FAM149A: variants seen among roughly 807,000 people sequenced by gnomAD.
FAM149A encodes the protein protein FAM149A.
A neutral mutation model predicts 78.2 loss-of-function variants in FAM149A; 71 were observed. The observed-to-expected ratio is 0.91, with a 90% CI of 0.75 to 1.11. The LOEUF is 1.11. FAM149A is among the 50% of genes least tolerant of loss of function. The probability of loss-of-function intolerance (pLI) is 0.00; values close to 1 mark genes in which losing one functional copy is unlikely to be tolerated. For missense variants in FAM149A, 1,036 were observed against 971.0 expected (o/e 1.07, Z -0.89); for synonymous variants, 446 against 410.5 (o/e 1.09, Z -1.04).
intron 8 of FAM149A, chr4:186,158,567 A>T (rs1357502216): frequency 1.8e-6 from 2 of 1,083,688 alleles, no homozygotes; most frequent in Non-Finnish European, 2.2e-6. Flanking sequence ...TTTCAGGGGA[A>T]CAGATTGCTC....
chr4:186,145,102 A>G (rs1342557696), intron 1 of FAM149A: 8 of 985,400 alleles, frequency 8.1e-6, no homozygotes, highest in Non-Finnish European at 8.4e-6. Context: ...CCCGGGGCTG[A>G]TCGTAATCGG....
Position 186,105,472 on chromosome 4 carries a change from C to G in FAM149A, c.396C>G (p.Gly132=). 2.5e-6 allele frequency: 3 copies of G among 1,213,228 alleles called. No homozygotes were observed. Among genetic ancestry groups the G allele is most frequent in the Non-Finnish European group, 3.1e-6 (3 of 957,570 alleles). 75.2% of individuals were successfully genotyped at this position (1,213,228 alleles called of 1,614,324 possible). A position where few individuals can be genotyped will look rare whatever the true frequency, so the allele number is the denominator to read the frequency against. Residue 132 remains glycine (G), a synonymous_variant, in exon 1 of 14, where the codon GGC becomes GGG. Coordinates refer to ENST00000389354, the MANE Select transcript of FAM149A (RefSeq NM_001367768.3). The stretch of plus-strand genomic sequence containing the variant: ...TGGTCCCAGCGCGGCCGCCCTCGGG[C>G]CCCGGCGGGGTCTGGGCCGCGCTCC...
intron 5 of FAM149A, among the ~76,000 whole-genome samples, chr4:186,153,973 T>A (rs1423308516): frequency 6.6e-6 from 1 of 152,240 alleles, no homozygotes; most frequent in Non-Finnish European, 1.5e-5. Context: ...TATAGAGAGA[T>A]GTGTAATATA....
chr4:186,153,927 T>C (rs748391578), intron 5 of FAM149A, among the ~76,000 whole-genome samples, 157 bp downstream of exon 5: 21 of 152,226 alleles, frequency 1.4e-4, no homozygotes, highest in Non-Finnish European at 2.4e-4. Context: ...TAAGAAGCTT[T>C]TGATTCTGAA....
At chr4:186,123,423 G>T (rs1450583131) in intron 1 of FAM149A, 1 of 952,276 alleles carries the variant, frequency 1.1e-6, no homozygotes. Context: ...TTTTGTTCCT[G>T]TATGTTCTTG....
intron 1 of FAM149A, among the ~76,000 whole-genome samples, chr4:186,135,818 A>G (rs1001445169): frequency 6.6e-6 from 1 of 152,172 alleles, no homozygotes; most frequent in Non-Finnish European, 1.5e-5. Flanking sequence ...TAGACCCACA[A>G]AAGTGCACAC....
intron 1 of FAM149A, among the ~76,000 whole-genome samples, chr4:186,121,872 A>G (rs1363483927): frequency 1.3e-5 from 2 of 152,062 alleles, no homozygotes; most frequent in African/African-American, 4.8e-5. Flanking sequence ...TCTTGATATA[A>G]TCCTCATAGC....
At chr4:186,139,892 G>A (rs770996146) in intron 1 of FAM149A, among the ~76,000 whole-genome samples, 4 of 152,048 alleles carry the variant, frequency 2.6e-5, no homozygotes, top group Admixed American at 6.5e-5. Context: ...AGGACTGCTC[G>A]TACTGGATAA....
intron 1 of FAM149A, among the ~76,000 whole-genome samples, chr4:186,112,236 A>T (rs2099311604): frequency 6.6e-6 from 1 of 151,134 alleles, no homozygotes; most frequent in Non-Finnish European, 1.5e-5. Flanking sequence ...TGATTTTTGT[A>T]CGTTGATTTT....
At position 186,151,924 on chromosome 4, in the gene FAM149A, C is replaced by T. The variant is rs1733616657; in HGVS notation, c.811C>T (p.Gln271Ter). The change falls in exon 4 of 14, where the codon CAG (glutamine) becomes TAG (stop). Residue 271 changes from glutamine (Q) to a stop codon, truncating the protein, a stop_gained. Transcript: ENST00000389354. LOFTEE classifies it high-confidence loss of function. ...TTAGGAATTTGACGAAGCCAGTTCA[C>T]AGTCAGTGCAGCGGTTACTCTGGGA... 2 of 1,613,980 alleles carry T rather than the reference C, an allele frequency of 1.2e-6. No individual in the cohort carries two copies. The highest frequency in any genetic ancestry group is 1.7e-6 in the Non-Finnish European group (2 of 1,179,986).
chr4:186,168,695 A>G (rs1579939873), intron 13 of FAM149A, among the ~76,000 whole-genome samples: 2 of 152,036 alleles, frequency 1.3e-5, no homozygotes, highest in Admixed American at 1.3e-4. Flanking sequence ...GCTTGGGGGG[A>G]AGTAGGCGCC....
intron 1 of FAM149A, 21 bp from the exon 2 acceptor site, chr4:186,149,152 C>T: frequency 7.9e-7 from 1 of 1,267,140 alleles, no homozygotes; most frequent in Non-Finnish European, 1.0e-6. Flanking sequence ...GGAGACTCGT[C>T]ATGTTTTATT....
At chr4:186,160,337 C>G (rs942313621) in intron 8 of FAM149A, among the ~76,000 whole-genome samples, 8 of 145,606 alleles carry the variant, frequency 5.5e-5, no homozygotes, top group African/African-American at 2.1e-4. Context: ...ACACACCACA[C>G]ACAAACACAC....
rs1319574124 is a variant in FAM149A at position 186,171,949 on chromosome 4, A to G, written c.2254A>G (p.Thr752Ala). The stretch of plus-strand genomic sequence containing the variant: ...TGTGCCTAAATCTTTTCAGAGGACA[A>G]CTTTGACTTTCAAGAGGAGATTCCA... The change falls in exon 14 of 14, where the codon ACT becomes GCT. Residue 752 changes from threonine to alanine, a missense_variant. Around this residue, in one of 3 missense-constraint regions of FAM149A, gnomAD observed 716 missense variants for 711.8 expected, o/e 1.01. Coordinates refer to ENST00000389354, the MANE Select transcript of FAM149A (RefSeq NM_001367768.3). 6.2e-6 allele frequency: 10 copies of G among 1,612,640 alleles called. No individual in the cohort carries two copies. The highest frequency in any genetic ancestry group is 1.3e-5 in the African/African-American group (1 of 74,992).
intron 1 of FAM149A, chr4:186,145,037 G>C (rs1356318030): frequency 1.0e-6 from 1 of 982,460 alleles, no homozygotes; most frequent in Non-Finnish European, 1.2e-6. Flanking sequence ...CGGTGCCTCT[G>C]CCTGACGGTG....
Position 186,110,381 on chromosome 4 carries a change from A to G in FAM149A, c.566+4739A>G, listed in dbSNP as rs115658846. The G allele has an allele frequency of 1.7e-3, 1,531 of 904,754 alleles. 15 individuals are homozygous for G. The African/African-American group carries it at 0.031, about 18-fold the overall frequency. 56.0% of individuals were successfully genotyped at this position (904,754 alleles called of 1,614,324 possible). A position where few individuals can be genotyped will look rare whatever the true frequency, so the allele number is the denominator to read the frequency against. ...GTGGCTCAGTGTACAATTGTCATAT[A>G]AGCGTTACTTTCTTTTTTTTTTTTT... On this transcript the variant is annotated intron_variant, in intron 1 of 13. Transcript: ENST00000389354.
At chr4:186,149,127 ATAT>A (rs1248337411) in intron 1 of FAM149A, 43 bp from the exon 2 acceptor site, 1 of 1,240,342 alleles carries the variant, frequency 8.1e-7, no homozygotes, top group Non-Finnish European at 1.0e-6. Flanking sequence ...GAATAAAACT[ATAT>A]TATTACATTA....
intron 3 of FAM149A, among the ~76,000 whole-genome samples, chr4:186,150,127 C>G (rs1733360631): frequency 7.8e-6 from 1 of 129,032 alleles, no homozygotes. Context: ...CACCCCCTAC[C>G]GCTGGGGGCG....
intron 1 of FAM149A, chr4:186,146,593 C>A: frequency 3.5e-6 from 3 of 856,160 alleles, no homozygotes; most frequent in Non-Finnish European, 4.2e-6. Flanking sequence ...AACTCGCATG[C>A]GTCCCATTTT....
Sources: allele counts gnomAD v4.1 joint callset (sites outside exome capture counted in the v4.1 genomes callset), GRCh38; gene constraint gnomAD v4.1.1; regional missense constraint gnomAD v4.1.1; transcripts MANE v1.5; gene names NCBI Gene and HGNC (gene_info 2026-07-23, HGNC 2026-07-21).